Variants in PLXNA4 observed in about 807,000 individuals in gnomAD.
PLXNA4 encodes plexin-A4.
Under a neutral mutation model 191.8 loss-of-function variants are expected in PLXNA4, and 44 were observed. That is an observed-to-expected ratio of 0.23 (90% CI 0.18 to 0.29). The LOEUF is 0.29. Among genes scored for constraint, PLXNA4 ranks in the 10% least tolerant of loss-of-function variants. The pLI is 1.00. For missense variants in PLXNA4, 1,800 were observed against 2,488.8 expected, an observed-to-expected ratio of 0.72 and a Z score of 5.89; for synonymous variants, 1,082 against 1,009.5, an observed-to-expected ratio of 1.07 and a Z score of -1.36.
chr7:132,252,709 G>A (rs1445995017), intron 4 of PLXNA4, among the ~76,000 whole-genome samples: 4 of 152,174 alleles, frequency 2.6e-5, no homozygotes, highest in Non-Finnish European at 5.9e-5. Context: ...GACCCAGAAA[G>A]TCTTCCTCTT....
chr7:132,220,496 A>G (rs1798106915), intron 9 of PLXNA4, among the ~76,000 whole-genome samples: 1 of 152,152 alleles, frequency 6.6e-6, no homozygotes, highest in African/African-American at 2.4e-5. Flanking sequence ...ACTACCCCAG[A>G]GCCCCTCCCT....
At chr7:132,547,859 C>G (rs1800376745) in intron 1 of PLXNA4, among the ~76,000 whole-genome samples, 1 of 152,156 alleles carries the variant, frequency 6.6e-6, no homozygotes, top group Non-Finnish European at 1.5e-5. Context: ...CAAAAGAGCC[C>G]TGGGGATGGC....
intron 3 of PLXNA4, among the ~76,000 whole-genome samples, chr7:132,446,290 A>G (rs750188840): frequency 2.6e-5 from 4 of 152,212 alleles, no homozygotes; most frequent in Non-Finnish European, 2.9e-5. Context: ...ATACCCCATT[A>G]TACTTCTTTT....
intron 3 of PLXNA4, chr7:132,385,263 C>A: frequency 1.2e-6 from 2 of 1,613,954 alleles, no homozygotes; most frequent in African/African-American, 1.3e-5. Context: ...CCGTCTGTAG[C>A]TCAAGGGTAG....
At chr7:132,207,473 G>T (rs1797663735) in intron 10 of PLXNA4, among the ~76,000 whole-genome samples, 1 of 152,152 alleles carries the variant, frequency 6.6e-6, no homozygotes, top group South Asian at 2.1e-4. Flanking sequence ...TAGAGCATTG[G>T]TCTAAAGTAG....
At chr7:132,131,973 A>G (rs1016694569) in intron 31 of PLXNA4, among the ~76,000 whole-genome samples, 2 of 152,198 alleles carry the variant, frequency 1.3e-5, no homozygotes, top group Non-Finnish European at 2.9e-5. Context: ...TCCTTAAGTG[A>G]TGAGGATGGG....
chr7:132,165,279 G>T (rs1232833626), intron 22 of PLXNA4, 79 bp from the exon 23 acceptor site: 20 of 1,543,804 alleles, frequency 1.3e-5, no homozygotes, highest in Non-Finnish European at 1.6e-5. Context: ...GCTGGGAAGG[G>T]CAAGGGAGGA....
chr7:132,563,857 CT>C, intron 1 of PLXNA4, among the ~76,000 whole-genome samples: 1 of 108,476 alleles, frequency 9.2e-6, no homozygotes, highest in Admixed American at 9.8e-5. Flanking sequence ...GCTGCTCCTC[CT>C]CCTCCTCTCC....
chr7:132,403,438 G>T (rs1056593770), intron 3 of PLXNA4, among the ~76,000 whole-genome samples: 1 of 152,178 alleles, frequency 6.6e-6, no homozygotes, highest in Non-Finnish European at 1.5e-5. Flanking sequence ...GGCAGGTAAC[G>T]GGAGGGGGCC....
At chr7:132,512,475 C>T (rs156968) in intron 1 of PLXNA4, among the ~76,000 whole-genome samples, 141,744 of 152,276 alleles carry the variant, frequency 0.93, 66,262 homozygotes, top group Non-Finnish European at 0.97. Flanking sequence ...GAGATTACTA[C>T]ACCCAGAGAG....
chr7:132,360,554 A>AG (rs774625961), intron 3 of PLXNA4, among the ~76,000 whole-genome samples: 182 of 152,300 alleles, frequency 1.2e-3, no homozygotes, highest in Non-Finnish European at 1.9e-3. Flanking sequence ...TTCCTTAGCA[A>AG]GCATATAGCA....
intron 4 of PLXNA4, among the ~76,000 whole-genome samples, chr7:132,252,319 T>G (rs1041934833): frequency 7.4e-6 from 1 of 136,000 alleles, no homozygotes; most frequent in African/African-American, 2.8e-5. Flanking sequence ...TTTTTTTTTT[T>G]TTTTTTTTTT....
At chr7:132,279,858 A>G (rs1800414869) in intron 4 of PLXNA4, among the ~76,000 whole-genome samples, 1 of 152,166 alleles carries the variant, frequency 6.6e-6, no homozygotes, top group African/African-American at 2.4e-5. Flanking sequence ...ATGACTTGAG[A>G]TGGGAGCCGG....
intron 21 of PLXNA4, among the ~76,000 whole-genome samples, chr7:132,173,022 C>T (rs1374540956): frequency 2.6e-5 from 4 of 152,178 alleles, no homozygotes; most frequent in Non-Finnish European, 4.4e-5. Context: ...CCCACATGCC[C>T]ATTATGTGCC....
rs1366504612 is a variant in PLXNA4 at position 132,416,971 on chromosome 7, T to C, written c.1371+72321A>G. 3.9e-5 allele frequency among the ~76,000 whole-genome samples: 6 copies of C among 152,064 alleles called. No individual in the cohort carries two copies. The East Asian group carries it at 1.2e-3, about 29-fold the overall frequency. ...ATCTCAGCATGTGGAAAAATTCAAC[T>C]GCATTTCAGATTCTAGTTAAAAAAA... On this transcript the variant is annotated intron_variant, in intron 3 of 31. Transcript: ENST00000321063.
At chr7:132,630,928 C>T (rs1803480428) in intron 2 of PLXNA4, among the ~76,000 whole-genome samples, 1 of 152,194 alleles carries the variant, frequency 6.6e-6, no homozygotes, top group Admixed American at 6.5e-5. Context: ...TAAACTGCAA[C>T]CTTTATTATG....
At chr7:132,406,081 A>G (rs1344386235) in intron 3 of PLXNA4, among the ~76,000 whole-genome samples, 1 of 152,192 alleles carries the variant, frequency 6.6e-6, no homozygotes, top group Non-Finnish European at 1.5e-5. Flanking sequence ...TTGCAAAGGG[A>G]CAGACTGCCT....
In PLXNA4 at chr7:132,191,734, T is replaced by G. The variant is rs183453977; in HGVS notation, c.2856+2328A>C. Among the ~76,000 whole-genome samples, 270 of 149,356 alleles carry G rather than the reference T, an allele frequency of 1.8e-3. 1 individual carries two copies. Among genetic ancestry groups the G allele is most frequent in the African/African-American group, 6.7e-3 (265 of 39,632 alleles). ...TCAAAGCCAGATTTCTTGCCCAATT[T>G]TAGCAAATACCTGGCGAATGTCATC... On this transcript the variant is annotated intron_variant, in intron 14 of 31. Coordinates refer to ENST00000321063, the MANE Select transcript of PLXNA4 (RefSeq NM_020911.2).
intron 3 of PLXNA4, chr7:132,384,645 A>G (rs1585062659): frequency 1.0e-6 from 1 of 991,308 alleles, no homozygotes; most frequent in Non-Finnish European, 1.2e-6. Flanking sequence ...AGAGGCTGGG[A>G]TGGTTCTGAG....
Sources: gnomAD v4.1 joint callset for allele counts (sites outside exome capture counted in the v4.1 genomes callset) on GRCh38, gnomAD v4.1.1 for gene constraint, MANE v1.5 for transcripts, NCBI Gene and HGNC (gene_info 2026-07-23, HGNC 2026-07-21) for gene names.